RYR3: variants seen among roughly 807,000 people sequenced by gnomAD.
RYR3 encodes the protein ryanodine receptor 3.
Under a neutral mutation model 584.3 loss-of-function variants are expected in RYR3, and 207 were observed. That is an observed-to-expected ratio of 0.35 (90% CI 0.32 to 0.40). The LOEUF is 0.40. Among genes scored for constraint, RYR3 ranks in the 10% least tolerant of loss-of-function variants. The pLI is 1.00. For missense variants in RYR3, 5,616 were observed against 6,089.2 expected (o/e 0.92, Z 2.59); for synonymous variants, 2,416 against 2,248.5 (o/e 1.07, Z -2.11).
chr15:33,406,917 A>T (rs2043061617), intron 1 of RYR3, among the ~76,000 whole-genome samples: 1 of 152,256 alleles, frequency 6.6e-6, no homozygotes, highest in African/African-American at 2.4e-5. Flanking sequence ...ATAACAAAAT[A>T]CCACAAACTA....
intron 2 of RYR3, among the ~76,000 whole-genome samples, chr15:33,474,814 T>C (rs575230618): frequency 6.6e-6 from 1 of 152,316 alleles, no homozygotes; most frequent in Non-Finnish European, 1.5e-5. Context: ...GGCTAAAATC[T>C]GTAACACCAG....
At chr15:33,510,295 T>A (rs1299137961) in intron 3 of RYR3, among the ~76,000 whole-genome samples, 2 of 152,200 alleles carry the variant, frequency 1.3e-5, no homozygotes, top group Non-Finnish European at 2.9e-5. Flanking sequence ...CTACATGACA[T>A]CACTTAGATG....
chr15:33,556,004 A>G (rs1181518771), intron 10 of RYR3, among the ~76,000 whole-genome samples: 4 of 148,444 alleles, frequency 2.7e-5, no homozygotes, highest in African/African-American at 1.0e-4. Flanking sequence ...AATAAACCCA[A>G]AGGTGATTCC....
At chr15:33,367,449 G>A (rs915071346) in intron 1 of RYR3, among the ~76,000 whole-genome samples, 1 of 152,208 alleles carries the variant, frequency 6.6e-6, no homozygotes, top group Non-Finnish European at 1.5e-5. Context: ...GGAGAAGTCA[G>A]ACTGAATTAA....
chr15:33,513,847 A>G (rs536819408), intron 3 of RYR3, among the ~76,000 whole-genome samples: 1 of 152,244 alleles, frequency 6.6e-6, no homozygotes, highest in Non-Finnish European at 1.5e-5. Flanking sequence ...ATCAGTGTCT[A>G]CCCGTGATGA....
intron 2 of RYR3, among the ~76,000 whole-genome samples, chr15:33,498,514 A>G (rs959375068): frequency 1.3e-5 from 2 of 151,838 alleles, no homozygotes; most frequent in Admixed American, 1.3e-4. Flanking sequence ...CTCATTTTGT[A>G]GTTGAGTTTT....
intron 90 of RYR3, among the ~76,000 whole-genome samples, chr15:33,841,130 T>C (rs961678714): frequency 5.9e-5 from 9 of 152,024 alleles, no homozygotes; most frequent in African/African-American, 7.3e-5. Flanking sequence ...GGTGGGAGGA[T>C]TGCTTGAGCC....
At chr15:33,690,296 C>A (rs1328117876) in intron 38 of RYR3, among the ~76,000 whole-genome samples, 1 of 147,944 alleles carries the variant, frequency 6.8e-6, no homozygotes, top group East Asian at 1.9e-4. Flanking sequence ...TGTTCTTAAG[C>A]CCAAATTCAG....
rs1028104142 is a variant in RYR3 at position 33,765,554 on chromosome 15, A to G, written c.8706-3104A>G. ...AGGCTGAGGCAGGAGAATCACTTGA[A>G]CCCAGGAGGCGGAGGTTGCAGTGAG... is the stretch of plus-strand genomic sequence containing the variant. On this transcript the variant is annotated intron_variant, in intron 60 of 103. Transcript: ENST00000634891. 1.4e-5 allele frequency among the ~76,000 whole-genome samples: 2 copies of G among 147,318 alleles called. 1 individual carries two copies. The highest frequency in any genetic ancestry group is 3.0e-5 in the Non-Finnish European group (2 of 67,436).
At chr15:33,829,589 A>G (rs550297498) in intron 85 of RYR3, among the ~76,000 whole-genome samples, 5 of 151,772 alleles carry the variant, frequency 3.3e-5, no homozygotes, top group Admixed American at 3.3e-4. Flanking sequence ...TCTACTAAAA[A>G]TACAAAAAAA....
chr15:33,627,258 T>G (rs1394919351), intron 20 of RYR3, among the ~76,000 whole-genome samples: 4 of 152,108 alleles, frequency 2.6e-5, no homozygotes, highest in Admixed American at 1.3e-4. Flanking sequence ...TTCTTAGGGA[T>G]TGTCAACCAA....
At position 33,835,049 on chromosome 15, in the gene RYR3, A is replaced by C. The variant is rs202181075; in HGVS notation, c.11545A>C (p.Asn3849His). Residue 3849 changes from asparagine (N) to histidine (H), a missense_variant, in exon 87 of 104, where the codon AAT becomes CAT. Around this residue, in one of 9 missense-constraint regions of RYR3, gnomAD observed 954 missense variants for 1,132.2 expected, o/e 0.84. Transcript: ENST00000634891. ...GGTTGGCTTCCTCCATGTCTTTGCT[A>C]ATATGCAGATGAAACTCTCTCAGGT... is the stretch of plus-strand genomic sequence containing the variant. ...AVVGFLHVFA[N>H]MQMKLSQDSS... 3,163 of 1,613,708 alleles carry C rather than the reference A, an allele frequency of 2.0e-3. 10 individuals are homozygous for C. Among genetic ancestry groups the C allele is most frequent in the Non-Finnish European group, 1.7e-3 (2,038 of 1,179,714 alleles).
intron 32 of RYR3, among the ~76,000 whole-genome samples, chr15:33,655,358 T>C (rs2062763337): frequency 6.6e-6 from 1 of 152,240 alleles, no homozygotes; most frequent in South Asian, 2.1e-4. Flanking sequence ...GGGTCCTCCC[T>C]GAGCTGCAGA....
At chr15:33,377,997 G>A (rs1385311045) in intron 1 of RYR3, among the ~76,000 whole-genome samples, 1 of 152,094 alleles carries the variant, frequency 6.6e-6, no homozygotes, top group African/African-American at 2.4e-5. Flanking sequence ...GCCCAGGCTG[G>A]TCTTGAACTC....
At chr15:33,847,583 GC>G (rs2078808922) in intron 93 of RYR3, 1 of 152,292 alleles carries the variant, frequency 6.6e-6, no homozygotes, top group South Asian at 2.1e-4. Context: ...GATGGTTGGG[GC>G]AAGTGGATTA....
chr15:33,555,155 G>T (rs946701658), intron 10 of RYR3, among the ~76,000 whole-genome samples: 1 of 152,160 alleles, frequency 6.6e-6, no homozygotes, highest in Non-Finnish European at 1.5e-5. Context: ...GGTGTTCTTG[G>T]CCAAATGTGA....
chr15:33,477,172 C>T (rs1022717673), intron 2 of RYR3, among the ~76,000 whole-genome samples: 17 of 152,126 alleles, frequency 1.1e-4, no homozygotes, highest in South Asian at 2.1e-4. Flanking sequence ...CAGAGCCTAC[C>T]GGTGACCTTG....
In RYR3 at chr15:33,854,449, C is replaced by A; in HGVS notation, c.13860C>A (p.Asn4620Lys). 1 of 1,567,468 alleles carries A rather than the reference C, an allele frequency of 6.4e-7. No homozygotes were observed. The highest frequency in any genetic ancestry group is 8.7e-7 in the Non-Finnish European group (1 of 1,155,462). Residue 4620 changes from asparagine to lysine, a missense_variant and splice_region_variant, in exon 97 of 104, where the codon AAC becomes AAA. Around this residue, in one of 9 missense-constraint regions of RYR3, gnomAD observed 918 missense variants for 887.4 expected, o/e 1.03. Transcript: ENST00000634891. Reference protein sequence around the residue: ...IWKLGVVFTDNSFLYLAWYTT... With the variant: ...IWKLGVVFTDKSFLYLAWYTT... ...AGCTTGGAGTTGTTTTTACTGACAA[C>A]GTAAGTACTGCACCTGGAAAAACAA... is the stretch of plus-strand genomic sequence containing the variant.
At chr15:33,644,127 G>T (rs2061973914) in intron 27 of RYR3, among the ~76,000 whole-genome samples, 184 bp from the exon 28 acceptor site, 2 of 152,170 alleles carry the variant, frequency 1.3e-5, no homozygotes, top group Admixed American at 1.3e-4. Context: ...CATGGGCAGT[G>T]GTGGTCTCCA....
Sources: allele counts gnomAD v4.1 joint callset (sites outside exome capture counted in the v4.1 genomes callset), GRCh38; gene constraint gnomAD v4.1.1; regional missense constraint gnomAD v4.1.1; transcripts MANE v1.5; gene names NCBI Gene and HGNC (gene_info 2026-07-23, HGNC 2026-07-21).